Variants in COQ5 observed in about 807,000 individuals in gnomAD.
COQ5 encodes 2-methoxy-6-polyprenyl-1,4-benzoquinol methylase, mitochondrial.
In COQ5, 27 loss-of-function variants were observed where a neutral mutation model predicts 40.5. The observed-to-expected ratio is 0.67, with a 90% CI of 0.49 to 0.92. The LOEUF is 0.92. Among genes scored for constraint, COQ5 ranks in the 40% least tolerant of loss-of-function variants. The probability of loss-of-function intolerance (pLI) is 0.00; values close to 1 mark genes in which losing one functional copy is unlikely to be tolerated. For synonymous variants in COQ5, 141 were observed against 150.0 expected (o/e 0.94, Z 0.44); for missense variants, 409 against 406.4 (o/e 1.01, Z -0.06).
intron 1 of COQ5, among the ~76,000 whole-genome samples, chr12:120,525,216 C>T (rs776695093): frequency 3.9e-5 from 6 of 152,154 alleles, no homozygotes; most frequent in Admixed American, 6.6e-5. Flanking sequence ...TCTCCTGCCT[C>T]AGCCTCCCGA....
At chr12:120,522,397 T>C in intron 1 of COQ5, 34 bp from the exon 2 acceptor site, 1 of 1,605,784 alleles carries the variant, frequency 6.2e-7, no homozygotes, top group Non-Finnish European at 8.5e-7. Flanking sequence ...ATAGTGCTAT[T>C]AACAGAATTC....
intron 1 of COQ5, chr12:120,523,407 A>G: frequency 2.5e-6 from 1 of 394,060 alleles, no homozygotes. Context: ...CCATTTCGGG[A>G]CTGGCTGTGT....
intron 4 of COQ5, among the ~76,000 whole-genome samples, chr12:120,507,559 C>T (rs1030443276): frequency 7.5e-5 from 11 of 146,486 alleles, no homozygotes; most frequent in African/African-American, 2.7e-4. Context: ...GCTGGGATTA[C>T]AGGTGTGAGC....
chr12:120,509,935 CCTT>C (rs761274078), intron 4 of COQ5, 79 bp downstream of exon 4: 3 of 1,149,504 alleles, frequency 2.6e-6, no homozygotes, highest in South Asian at 1.2e-5. Flanking sequence ...ACAAAACTCT[CCTT>C]CTTTCCTCAC....
chr12:120,512,785 C>T (rs555382558), intron 3 of COQ5, among the ~76,000 whole-genome samples: 3 of 152,134 alleles, frequency 2.0e-5, no homozygotes, highest in Non-Finnish European at 2.9e-5. Flanking sequence ...AGGCCAGGTG[C>T]GATAGCCCAC....
chr12:120,506,445 C>T (rs935099488), intron 4 of COQ5, among the ~76,000 whole-genome samples: 2 of 152,030 alleles, frequency 1.3e-5, no homozygotes, highest in Admixed American at 1.3e-4. Flanking sequence ...CAGCTCACTG[C>T]AACCTCTGCC....
At chr12:120,507,995 C>T (rs1454994396) in intron 4 of COQ5, among the ~76,000 whole-genome samples, 1 of 151,802 alleles carries the variant, frequency 6.6e-6, no homozygotes, top group East Asian at 1.9e-4. Flanking sequence ...TTCTATCCAT[C>T]TATCTATTTA....
chr12:120,527,537 TCA>T (rs1418789729), intron 1 of COQ5, among the ~76,000 whole-genome samples: 11 of 152,218 alleles, frequency 7.2e-5, no homozygotes, highest in South Asian at 2.1e-4. Flanking sequence ...TTGCACATTT[TCA>T]CAGTCTTGCA....
In COQ5 at chr12:120,518,120, C is replaced by T. The variant is rs552907490; in HGVS notation, c.353-1332G>A. Among the ~76,000 whole-genome samples, 403 of 152,156 alleles carry T rather than the reference C, an allele frequency of 2.6e-3. 5 individuals are homozygous for T. The highest frequency in any genetic ancestry group is 9.5e-3 in the African/African-American group (395 of 41,524). ...TTGCGCCTGGCCCTATATTTCCTTT[C>T]TTATAATGCTGTTTCCGGCTGGGCT... On this transcript the variant is annotated intron_variant, in intron 2 of 6. Transcript: ENST00000288532.
intron 1 of COQ5, chr12:120,522,589 C>G: frequency 1.6e-6 from 1 of 639,950 alleles, no homozygotes; most frequent in Non-Finnish European, 2.8e-6. Context: ...AGGAGGACCC[C>G]AGCCCCATGC....
chr12:120,524,686 C>T (rs1387876152), intron 1 of COQ5, among the ~76,000 whole-genome samples: 3 of 152,200 alleles, frequency 2.0e-5, no homozygotes, highest in Non-Finnish European at 4.4e-5. Flanking sequence ...CTTTGAGTTC[C>T]TCAGATGAAA....
intron 2 of COQ5, among the ~76,000 whole-genome samples, chr12:120,517,300 C>T (rs1028137324): frequency 6.6e-6 from 1 of 151,684 alleles, no homozygotes; most frequent in Non-Finnish European, 1.5e-5. Context: ...TGCAGTGGGC[C>T]GAGATAGCGC....
At chr12:120,510,284 T>C (rs1165794031) in intron 3 of COQ5, among the ~76,000 whole-genome samples, 161 bp from the exon 4 acceptor site, 2 of 152,104 alleles carry the variant, frequency 1.3e-5, no homozygotes, top group African/African-American at 2.4e-5. Context: ...TATATATACA[T>C]ATTTTTCCTT....
At chr12:120,515,585 A>G (rs1869343138) in intron 3 of COQ5, among the ~76,000 whole-genome samples, 1 of 152,154 alleles carries the variant, frequency 6.6e-6, no homozygotes, top group Admixed American at 6.6e-5. Flanking sequence ...TGGACCAAGG[A>G]GTATAATAAT....
At chr12:120,512,978 T>G (rs1869205473) in intron 3 of COQ5, among the ~76,000 whole-genome samples, 1 of 151,382 alleles carries the variant, frequency 6.6e-6, no homozygotes, top group South Asian at 2.1e-4. Flanking sequence ...TTTTGTATTT[T>G]TAGTAGAGAC....
At chr12:120,528,898 G>C (rs1409030887) in intron 1 of COQ5, 42 bp downstream of exon 1, 1 of 1,565,684 alleles carries the variant, frequency 6.4e-7, no homozygotes, top group Non-Finnish European at 8.8e-7. Flanking sequence ...ACCAGACCAT[G>C]GACGGTCAGA....
chr12:120,514,958 A>G (rs1051516989), intron 3 of COQ5, among the ~76,000 whole-genome samples: 4 of 151,782 alleles, frequency 2.6e-5, no homozygotes, highest in Non-Finnish European at 5.9e-5. Context: ...ACACCCAGCT[A>G]ATTTTGTATT....
intron 3 of COQ5, among the ~76,000 whole-genome samples, chr12:120,514,434 G>A (rs1414848535): frequency 6.6e-6 from 1 of 152,014 alleles, no homozygotes; most frequent in East Asian, 1.9e-4. Flanking sequence ...ATGGAAGAGG[G>A]CAGAATAGCG....
chr12:120,524,349 C>T (rs984063994), intron 1 of COQ5, among the ~76,000 whole-genome samples: 4 of 152,034 alleles, frequency 2.6e-5, no homozygotes, highest in African/African-American at 9.7e-5. Context: ...CAAGCTCTGC[C>T]TCCCGGGTTC....
Sources: allele counts gnomAD v4.1 joint callset (sites outside exome capture counted in the v4.1 genomes callset), GRCh38; gene constraint gnomAD v4.1.1; transcripts MANE v1.5; gene names NCBI Gene and HGNC (gene_info 2026-07-23, HGNC 2026-07-21).